NLGN1: variants seen among roughly 807,000 people sequenced by gnomAD.
The protein encoded by NLGN1 is neuroligin-1.
NLGN1 carries 12 observed loss-of-function variants against 65.5 expected under a neutral mutation model. That is an observed-to-expected ratio of 0.18 (90% CI 0.12 to 0.30). NLGN1 has a LOEUF of 0.30. Among genes scored for constraint, NLGN1 ranks in the 10% least tolerant of loss-of-function variants. The pLI, the probability that NLGN1 is intolerant of heterozygous loss-of-function variation, is 1.00. For synonymous variants in NLGN1, 350 were observed against 359.5 expected (o/e 0.97, Z 0.30); for missense variants, 750 against 1,007.1 (o/e 0.74, Z 3.46).
At chr3:174,182,998 T>G (rs16857557) in intron 4 of NLGN1, among the ~76,000 whole-genome samples, 34,391 of 152,054 alleles carry the variant, frequency 0.23, 4,581 homozygotes, top group African/African-American at 0.37. Context: ...CACCTGCCAT[T>G]TAAATTCCAC....
chr3:173,581,876 C>T (rs6803916), intron 2 of NLGN1, among the ~76,000 whole-genome samples: 57,483 of 151,646 alleles, frequency 0.38, 12,478 homozygotes, highest in East Asian at 0.73. Flanking sequence ...CACCCATGTA[C>T]TCAAGATTCA....
At chr3:173,740,129 T>A (rs1381260041) in intron 3 of NLGN1, among the ~76,000 whole-genome samples, 1 of 152,074 alleles carries the variant, frequency 6.6e-6, no homozygotes, top group Non-Finnish European at 1.5e-5. Flanking sequence ...AGATAATCCT[T>A]CCAGATGGGT....
intron 4 of NLGN1, among the ~76,000 whole-genome samples, chr3:174,149,306 G>T (rs927199527): frequency 1.3e-5 from 2 of 152,036 alleles, no homozygotes; most frequent in Non-Finnish European, 2.9e-5. Context: ...AATTCTTACT[G>T]TAACCCAAAC....
rs117229471 is a variant in NLGN1 at position 174,054,779 on chromosome 3, G to A, written c.647-220536G>A. ...GTAACAGTGTCCACTTTCCATAAAAGTTTCTAAGCACTTATTCGCAATGTC... is the reference window on the plus strand; with the variant it reads ...GTAACAGTGTCCACTTTCCATAAAAATTTCTAAGCACTTATTCGCAATGTC... On this transcript the variant is annotated intron_variant, in intron 4 of 6. Transcript: ENST00000457714. 6.2e-3 allele frequency among the ~76,000 whole-genome samples: 949 copies of A among 152,048 alleles called. 23 individuals are homozygous for A. Among genetic ancestry groups the A allele is most frequent in the East Asian group, 0.039 (199 of 5,148 alleles).
intron 4 of NLGN1, among the ~76,000 whole-genome samples, chr3:174,124,898 A>G (rs1378969595): frequency 6.6e-6 from 1 of 152,020 alleles, no homozygotes; most frequent in African/African-American, 2.4e-5. Flanking sequence ...AACACTTGAA[A>G]TTTGACTGTG....
At chr3:174,106,913 CTACA>C (rs1212776895) in intron 4 of NLGN1, among the ~76,000 whole-genome samples, 3 of 149,822 alleles carry the variant, frequency 2.0e-5, no homozygotes, top group African/African-American at 7.4e-5. Flanking sequence ...TATATGATGG[CTACA>C]TACATTAGTG....
intron 2 of NLGN1, among the ~76,000 whole-genome samples, chr3:173,497,441 T>C (rs1350010372): frequency 6.6e-6 from 1 of 151,658 alleles, no homozygotes; most frequent in Admixed American, 6.6e-5. Flanking sequence ...TATCTTCTCT[T>C]AAATAGCTAT....
chr3:174,167,596 T>TCC lies in NLGN1; in HGVS notation c.647-107719_647-107718insCC, dbSNP rs777399680. Among the ~76,000 whole-genome samples, 835 of 145,496 alleles carry TCC rather than the reference T, an allele frequency of 5.7e-3. 4 individuals carry two copies. Among genetic ancestry groups the TCC allele is most frequent in the African/African-American group, 0.016 (611 of 38,978 alleles). ...CCCTTTGTATGTGATCTGCCCCCTT[T>TCC]TTTTTTTTTTTTTAACCTAGTTGCC... On this transcript the variant is annotated intron_variant, in intron 4 of 6. Coordinates refer to ENST00000457714, the Ensembl canonical transcript of NLGN1.
rs149002744 is a variant in NLGN1, at chr3:173,738,346, T to C, written c.494-69334T>C. On this transcript the variant is annotated intron_variant, in intron 3 of 6. Coordinates refer to ENST00000457714, the Ensembl canonical transcript of NLGN1. ...CTAGACCAAGGTTGTGAAATTTTACTATGTTTTCTTCTAAGAATTTTATAT... is the reference window on the plus strand; with the variant it reads ...CTAGACCAAGGTTGTGAAATTTTACCATGTTTTCTTCTAAGAATTTTATAT... Among the ~76,000 whole-genome samples the C allele has an allele frequency of 6.8e-3, 1,037 of 152,174 alleles. 10 individuals carry two copies. The highest frequency in any genetic ancestry group is 0.024 in the African/African-American group (990 of 41,554).
At chr3:174,057,428 G>T (rs552351996) in intron 4 of NLGN1, among the ~76,000 whole-genome samples, 2 of 152,138 alleles carry the variant, frequency 1.3e-5, no homozygotes, top group South Asian at 4.1e-4. Flanking sequence ...AGGTCTGGGG[G>T]TGACTAGACA....
chr3:173,416,151 A>G (rs113068810), intron 1 of NLGN1, among the ~76,000 whole-genome samples: 2 of 152,238 alleles, frequency 1.3e-5, no homozygotes, highest in African/African-American at 4.8e-5. Context: ...TGACATATAG[A>G]TGGTATTTAA....
At chr3:173,480,688 G>A (rs1447447593) in intron 2 of NLGN1, among the ~76,000 whole-genome samples, 3 of 152,130 alleles carry the variant, frequency 2.0e-5, no homozygotes, top group African/African-American at 7.2e-5. Context: ...AATTCAACTA[G>A]GTGATAGCTT....
In NLGN1 at chr3:173,556,803, C is replaced by CAA. The variant is rs60465766; in HGVS notation, c.-320-47470_-320-47469dup. Among the ~76,000 whole-genome samples, 9 of 151,102 alleles carry CAA rather than the reference C, an allele frequency of 6.0e-5. No individual in the cohort carries two copies. The South Asian group carries it at 6.2e-4, about 10-fold the overall frequency. Reference sequence around the variant, plus strand: ...TGGGTGACAGAGCGAGGACCTGTCTCAAAAAAAGGAAAAATTGCTGTTGAT... The same window carrying CAA: ...TGGGTGACAGAGCGAGGACCTGTCTCAAAAAAAAAGGAAAAATTGCTGTTGAT... On this transcript the variant is annotated intron_variant, in intron 2 of 6. Coordinates refer to ENST00000457714, the Ensembl canonical transcript of NLGN1.
intron 2 of NLGN1, among the ~76,000 whole-genome samples, chr3:173,452,863 C>T (rs1246812167): frequency 1.3e-5 from 2 of 152,164 alleles, no homozygotes; most frequent in Non-Finnish European, 2.9e-5. Flanking sequence ...TTTCCCAATA[C>T]ATATATAAAT....
At chr3:174,288,688 A>G (rs1046332787), downstream of NLGN1, among the ~76,000 whole-genome samples, 4 of 151,624 alleles carry the variant, frequency 2.6e-5, no homozygotes, top group South Asian at 6.2e-4. Context: ...TAAGTTTCTT[A>G]GAAAGTTTAA....
chr3:174,272,700 T>C (rs1256724422), intron 4 of NLGN1, among the ~76,000 whole-genome samples: 1 of 150,016 alleles, frequency 6.7e-6, no homozygotes, highest in Non-Finnish European at 1.5e-5. Flanking sequence ...GATAGATAGA[T>C]AGATAGATAT....
At chr3:173,798,810 C>T (rs1714753257) in intron 3 of NLGN1, among the ~76,000 whole-genome samples, 1 of 151,978 alleles carries the variant, frequency 6.6e-6, no homozygotes, top group South Asian at 2.1e-4. Context: ...TCTGCCTTTC[C>T]AATCTTCTGA....
intron 3 of NLGN1, among the ~76,000 whole-genome samples, chr3:173,701,500 T>C (rs1449713140): frequency 6.6e-6 from 1 of 152,242 alleles, no homozygotes; most frequent in Non-Finnish European, 1.5e-5. Context: ...AGAAATAATG[T>C]AGCCCTGCAA....
intron 4 of NLGN1, among the ~76,000 whole-genome samples, chr3:173,824,817 C>T (rs555230272): frequency 2.7e-4 from 41 of 152,072 alleles, no homozygotes; most frequent in African/African-American, 8.9e-4. Context: ...GATTTAGTGA[C>T]GTTGTGTACT....
Sources: gnomAD v4.1 joint callset for allele counts (sites outside exome capture counted in the v4.1 genomes callset) on GRCh38, gnomAD v4.1.1 for gene constraint, MANE v1.5 for transcripts, NCBI Gene and HGNC (gene_info 2026-07-23, HGNC 2026-07-21) for gene names.